The following NCKAP5 variants were observed in gnomAD, a reference collection of about 807,000 sequenced individuals.
NCKAP5 encodes the protein nck-associated protein 5.
NCKAP5 carries 92 observed loss-of-function variants against 167.0 expected under a neutral mutation model. The ratio of observed to expected loss-of-function variants is 0.55; its 90% CI spans 0.47 to 0.66. The LOEUF (loss-of-function observed/expected upper bound fraction) is 0.66. NCKAP5 is among the 30% of genes least tolerant of loss of function. NCKAP5 has a pLI of 0.00. For missense variants in NCKAP5, 2,378 were observed against 2,315.0 expected, an observed-to-expected ratio of 1.03 and a Z score of -0.56; for synonymous variants, 891 against 877.4, an observed-to-expected ratio of 1.02 and a Z score of -0.27.
intron 5 of NCKAP5, among the ~76,000 whole-genome samples, chr2:133,131,022 C>T (rs1218384969): frequency 6.6e-6 from 1 of 152,126 alleles, no homozygotes; most frequent in Non-Finnish European, 1.5e-5. Flanking sequence ...AAACAGTGAC[C>T]TCTGTTTTGA....
rs78462029 is a variant in NCKAP5, at chr2:133,286,967, T to C, written c.143+16070A>G. On this transcript the variant is annotated intron_variant, in intron 4 of 19. Transcript: ENST00000409261. ...AGAAGAGGTGTCTGATCTCTTCCTA[T>C]CCAATGTAGCAGAATCCATCCCATA... Among the ~76,000 whole-genome samples the C allele has an allele frequency of 2.0e-3, 302 of 152,288 alleles. 1 individual carries two copies. The highest frequency in any genetic ancestry group is 7.0e-3 in the African/African-American group (289 of 41,556).
Position 132,790,150 on chromosome 2 carries a change from A to T in NCKAP5, c.965T>A (p.Ile322Asn). The change falls in exon 13 of 20, where the codon ATC becomes AAC. Residue 322 changes from isoleucine (I) to asparagine (N), a missense_variant. This residue lies in a region of NCKAP5 where 1,049 missense variants were observed against 1,023.4 expected (regional missense o/e 1.02). Coordinates refer to ENST00000409261, the MANE Select transcript of NCKAP5 (RefSeq NM_207363.3). The part of the protein sequence containing the change: ...ALKCPGLGAV[I>N]PGHLCPRNSY... ...GTTTCGAGGACAGAGATGACCAGGG[A>T]TGACAGCCCCCAAGCCAGGGCATTT... The T allele has an allele frequency of 1.9e-6, 3 of 1,613,676 alleles. No homozygotes were observed. Among genetic ancestry groups the T allele is most frequent in the Non-Finnish European group, 2.5e-6 (3 of 1,179,820 alleles).
chr2:133,618,710 CT>C, the NCKAP5 span, among the ~76,000 whole-genome samples: 5 of 151,704 alleles, frequency 3.3e-5, no homozygotes, highest in Non-Finnish European at 5.9e-5. Flanking sequence ...GTTGGTGGGA[CT>C]GTAAACTAGT....
intron 6 of NCKAP5, among the ~76,000 whole-genome samples, chr2:133,115,254 T>G (rs940845207): frequency 2.6e-5 from 4 of 152,184 alleles, no homozygotes; most frequent in Admixed American, 6.5e-5. Context: ...GGTGGAAGAC[T>G]TTTCAAATTG....
At chr2:132,829,979 T>C (rs17397838) in intron 11 of NCKAP5, among the ~76,000 whole-genome samples, 4,120 of 152,296 alleles carry the variant, frequency 0.027, 91 homozygotes, top group Middle Eastern at 0.099. Context: ...TTTCCAGATT[T>C]CGTCTAGTGA....
intron 12 of NCKAP5, among the ~76,000 whole-genome samples, chr2:132,794,664 C>CACACACACACAT (rs1437442530): frequency 2.6e-5 from 4 of 151,394 alleles, no homozygotes; most frequent in African/African-American, 9.7e-5. Context: ...CACACACACA[C>CACACACACACAT]ACACACACAC....
chr2:132,789,634 T>A (rs925365557), intron 13 of NCKAP5, among the ~76,000 whole-genome samples: 1 of 152,218 alleles, frequency 6.6e-6, no homozygotes, highest in Non-Finnish European at 1.5e-5. Context: ...TTCAAATATT[T>A]CCCTTACATC....
At chr2:132,674,842 C>T (rs1684224380) in intron 19 of NCKAP5, among the ~76,000 whole-genome samples, 1 of 152,046 alleles carries the variant, frequency 6.6e-6, no homozygotes, top group Non-Finnish European at 1.5e-5. Flanking sequence ...CGTGCAGAAA[C>T]ATTACTCACA....
At chr2:132,883,237 C>T (rs1339327168) in intron 8 of NCKAP5, among the ~76,000 whole-genome samples, 3 of 148,510 alleles carry the variant, frequency 2.0e-5, no homozygotes, top group South Asian at 2.2e-4. Flanking sequence ...CACACACACA[C>T]GACACCCACC....
intron 5 of NCKAP5, among the ~76,000 whole-genome samples, chr2:133,194,013 G>C (rs1004464397): frequency 1.3e-5 from 2 of 152,030 alleles, no homozygotes; most frequent in South Asian, 4.1e-4. Flanking sequence ...TTAATACACA[G>C]TTATGCACAA....
At chr2:132,725,533 T>G in intron 19 of NCKAP5, 94 bp downstream of exon 19, 3 of 1,410,962 alleles carry the variant, frequency 2.1e-6, no homozygotes, top group Non-Finnish European at 2.8e-6. Flanking sequence ...AAACATAAAA[T>G]CAAAGAGGGT....
At chr2:132,680,893 G>T (rs1032330957) in intron 19 of NCKAP5, among the ~76,000 whole-genome samples, 1 of 152,188 alleles carries the variant, frequency 6.6e-6, no homozygotes, top group Admixed American at 6.5e-5. Flanking sequence ...ATGCCCATTT[G>T]AAAATTTGGA....
chr2:132,751,882 T>G (rs1162080765), intron 16 of NCKAP5, among the ~76,000 whole-genome samples: 1 of 152,150 alleles, frequency 6.6e-6, no homozygotes, highest in Non-Finnish European at 1.5e-5. Context: ...TAGTGCAAAT[T>G]CAGCACAGCA....
At chr2:133,595,302 A>G in the NCKAP5 span, among the ~76,000 whole-genome samples, 1 of 151,856 alleles carries the variant, frequency 6.6e-6, no homozygotes, top group Non-Finnish European at 1.5e-5. Flanking sequence ...CAGGGGGCCC[A>G]GCACTACTCT....
chr2:133,585,744 C>G, the NCKAP5 span, among the ~76,000 whole-genome samples: 4 of 152,166 alleles, frequency 2.6e-5, no homozygotes, highest in Non-Finnish European at 4.4e-5. Context: ...TGCTCTTTTA[C>G]AAATGAGGAA....
intron 9 of NCKAP5, among the ~76,000 whole-genome samples, chr2:132,875,973 T>C (rs1285822318): frequency 6.6e-6 from 1 of 152,208 alleles, no homozygotes; most frequent in Non-Finnish European, 1.5e-5. Flanking sequence ...TGTTACCTTC[T>C]GAATAAATGT....
In NCKAP5 at chr2:133,427,783, T is replaced by G. The variant is rs148767364; in HGVS notation, c.69+89675A>C. Among the ~76,000 whole-genome samples the G allele has an allele frequency of 5.2e-3, 790 of 152,182 alleles. 18 individuals are homozygous for G. Among genetic ancestry groups the G allele is most frequent in the Admixed American group, 0.043 (663 of 15,284 alleles). On this transcript the variant is annotated intron_variant, in intron 3 of 19. Transcript: ENST00000409261. ...AATCTATCAATTAAATTTCTTATAT[T>G]AATACATCAAGATCACTGGAAATAA...
intron 3 of NCKAP5, among the ~76,000 whole-genome samples, chr2:133,412,524 C>G (rs1460050773): frequency 6.6e-6 from 1 of 152,196 alleles, no homozygotes; most frequent in Non-Finnish European, 1.5e-5. Context: ...TCAGGTCTCT[C>G]ATTAATGTGC....
At chr2:133,669,381 C>T in the NCKAP5 span, among the ~76,000 whole-genome samples, 151 of 152,232 alleles carry the variant, frequency 9.9e-4, no homozygotes, top group African/African-American at 3.5e-3. Flanking sequence ...GAGGTCTTTA[C>T]TCCACCATTT....
Sources: allele counts gnomAD v4.1 joint callset (sites outside exome capture counted in the v4.1 genomes callset), GRCh38; gene constraint gnomAD v4.1.1; regional missense constraint gnomAD v4.1.1; transcripts MANE v1.5; gene names NCBI Gene and HGNC (gene_info 2026-07-23, HGNC 2026-07-21).